The following PRKCH variants were observed in gnomAD, a reference collection of about 807,000 sequenced individuals.
PRKCH encodes protein kinase C eta type.
A neutral mutation model predicts 82.5 loss-of-function variants in PRKCH; 28 were observed. The observed-to-expected ratio is 0.34, with a 90% CI of 0.25 to 0.47. The LOEUF (loss-of-function observed/expected upper bound fraction) is 0.47, where lower values mean the gene tolerates loss of function less well. PRKCH is among the 20% of genes least tolerant of loss of function. PRKCH has a pLI of 1.00. For missense variants in PRKCH, 705 were observed against 881.8 expected, an observed-to-expected ratio of 0.80 and a Z score of 2.54; for synonymous variants, 322 against 327.4, an observed-to-expected ratio of 0.98 and a Z score of 0.18.
chr14:61,273,264 A>T (rs930250127), intron 1 of PRKCH, among the ~76,000 whole-genome samples: 3 of 152,210 alleles, frequency 2.0e-5, no homozygotes, highest in Non-Finnish European at 4.4e-5. Context: ...TGGCTTTAAA[A>T]CTACTATTAT....
chr14:61,389,340 ACT>A (rs1473078999), intron 1 of PRKCH, among the ~76,000 whole-genome samples: 1 of 144,326 alleles, frequency 6.9e-6, no homozygotes, highest in African/African-American at 2.7e-5. Context: ...ACAGAGGGAG[ACT>A]CTGTCTTAAA....
chr14:61,351,394 G>C (rs1183628471), intron 1 of PRKCH, among the ~76,000 whole-genome samples: 2 of 152,172 alleles, frequency 1.3e-5, no homozygotes, highest in African/African-American at 4.8e-5. Context: ...TGCAGGTGGT[G>C]GTGTTAGGTG....
chr14:61,224,082 G>A (rs2044677260), intron 1 of PRKCH, among the ~76,000 whole-genome samples: 1 of 152,160 alleles, frequency 6.6e-6, no homozygotes, highest in African/African-American at 2.4e-5. Flanking sequence ...TGTGCACTGA[G>A]AAGTCTCGAT....
chr14:61,494,425 A>G (rs982310133), intron 10 of PRKCH, among the ~76,000 whole-genome samples: 1 of 152,208 alleles, frequency 6.6e-6, no homozygotes, highest in Non-Finnish European at 1.5e-5. Flanking sequence ...TATGTGTGTG[A>G]CGCTACATAT....
At chr14:61,336,321 G>A (rs978474445) in intron 1 of PRKCH, among the ~76,000 whole-genome samples, 7 of 152,218 alleles carry the variant, frequency 4.6e-5, no homozygotes, top group Admixed American at 2.0e-4. Flanking sequence ...CTAGTTACTG[G>A]TGGAAGAGAA....
intron 12 of PRKCH, 56 bp from the exon 13 acceptor site, chr14:61,547,687 T>C (rs1248376143): frequency 4.4e-6 from 7 of 1,574,870 alleles, no homozygotes; most frequent in Non-Finnish European, 6.1e-6. Flanking sequence ...TGCTGTCTTG[T>C]GACGTGCTGG....
At chr14:61,382,520 A>G (rs1172159166) in intron 1 of PRKCH, among the ~76,000 whole-genome samples, 1 of 152,186 alleles carries the variant, frequency 6.6e-6, no homozygotes, top group Non-Finnish European at 1.5e-5. Flanking sequence ...AACCTGTTGG[A>G]ATTTTTTTTC....
At chr14:61,425,852 G>A (rs1056091450) in intron 2 of PRKCH, among the ~76,000 whole-genome samples, 1 of 152,118 alleles carries the variant, frequency 6.6e-6, no homozygotes, top group Admixed American at 6.5e-5. Flanking sequence ...ATCATGGGGG[G>A]TGGTTTCGTC....
intron 1 of PRKCH, among the ~76,000 whole-genome samples, chr14:61,264,896 C>T (rs1027900145): frequency 9.9e-5 from 15 of 152,000 alleles, no homozygotes; most frequent in African/African-American, 3.6e-4. Context: ...TAGAAGAGTC[C>T]GTGCTGTTAG....
intron 12 of PRKCH, among the ~76,000 whole-genome samples, chr14:61,535,832 G>A (rs2043100653): frequency 6.6e-6 from 1 of 152,172 alleles, no homozygotes; most frequent in African/African-American, 2.4e-5. Flanking sequence ...GTTGTGGGGA[G>A]AAACAGATGA....
At chr14:61,521,365 T>G (rs1218167184) in intron 10 of PRKCH, among the ~76,000 whole-genome samples, 3 of 152,156 alleles carry the variant, frequency 2.0e-5, no homozygotes, top group African/African-American at 7.2e-5. Flanking sequence ...TATTTAGCCA[T>G]TCCACGGTTG....
At chr14:61,285,058 T>C (rs909262962) in intron 1 of PRKCH, among the ~76,000 whole-genome samples, 2 of 152,196 alleles carry the variant, frequency 1.3e-5, no homozygotes, top group African/African-American at 2.4e-5. Flanking sequence ...AAGTATATGA[T>C]AGTGACCATC....
rs575771279 is a variant in PRKCH at position 61,498,853 on chromosome 14, C to T, written c.1433+13197C>T. Among the ~76,000 whole-genome samples, 148 of 152,222 alleles carry T rather than the reference C, an allele frequency of 9.7e-4. 1 individual carries two copies. Among genetic ancestry groups the T allele is most frequent in the African/African-American group, 3.4e-3 (142 of 41,502 alleles). On this transcript the variant is annotated intron_variant, in intron 10 of 13. Transcript: ENST00000332981. ...ATATGAATTCTGGCAGGACACAAAA[C>T]ATTCAGTCCATTACAGCCATTCATT...
At chr14:61,540,429 G>T (rs1021493562) in intron 12 of PRKCH, among the ~76,000 whole-genome samples, 4 of 152,144 alleles carry the variant, frequency 2.6e-5, no homozygotes, top group African/African-American at 2.4e-5. Context: ...AGCCTCAAGG[G>T]GAAGTCTAGC....
chr14:61,490,349 CTT>C (rs775443955), intron 10 of PRKCH, among the ~76,000 whole-genome samples: 7 of 152,148 alleles, frequency 4.6e-5, no homozygotes, highest in Admixed American at 1.3e-4. Context: ...TAATTTGACT[CTT>C]TTAAAAATTC....
chr14:61,261,514 T>C (rs1348956922), intron 1 of PRKCH, among the ~76,000 whole-genome samples: 1 of 152,178 alleles, frequency 6.6e-6, no homozygotes, highest in African/African-American at 2.4e-5. Context: ...CTGGAGAACA[T>C]ATGATTTGGG....
intron 1 of PRKCH, among the ~76,000 whole-genome samples, chr14:61,194,555 C>T (rs1487929692): frequency 6.6e-6 from 1 of 152,182 alleles, no homozygotes; most frequent in African/African-American, 2.4e-5. Context: ...ACATCCCAAT[C>T]TCTAGAACTG....
chr14:61,219,945 G>A (rs1051561066), intron 1 of PRKCH, among the ~76,000 whole-genome samples: 12 of 152,180 alleles, frequency 7.9e-5, no homozygotes, highest in Non-Finnish European at 1.3e-4. Flanking sequence ...TGTAAGACTA[G>A]AGAACCTGCA....
intron 1 of PRKCH, among the ~76,000 whole-genome samples, chr14:61,358,813 C>T (rs566835027): frequency 2.6e-5 from 4 of 152,270 alleles, no homozygotes; most frequent in African/African-American, 9.6e-5. Context: ...CCTGTGCAGG[C>T]CCTGCTCTTT....
Sources: allele counts gnomAD v4.1 joint callset (sites outside exome capture counted in the v4.1 genomes callset), GRCh38; gene constraint gnomAD v4.1.1; transcripts MANE v1.5; gene names NCBI Gene and HGNC (gene_info 2026-07-23, HGNC 2026-07-21).